FOXJ3: variants seen among roughly 807,000 people sequenced by gnomAD.
FOXJ3 encodes forkhead box J3, also known as forkhead box protein J3.
In FOXJ3, 22 loss-of-function variants were observed where a neutral mutation model predicts 76.1. That is an observed-to-expected ratio of 0.29 (90% CI 0.21 to 0.41). FOXJ3 has a LOEUF of 0.41. Among genes scored for constraint, FOXJ3 ranks in the 10% least tolerant of loss-of-function variants. FOXJ3 has a pLI of 1.00. For synonymous variants in FOXJ3, 269 were observed against 261.2 expected, an observed-to-expected ratio of 1.03 and a Z score of -0.29; for missense variants, 613 against 762.1, an observed-to-expected ratio of 0.80 and a Z score of 2.30.
intron 6 of FOXJ3, among the ~76,000 whole-genome samples, chr1:42,199,431 C>T (rs1340254397): frequency 1.3e-5 from 2 of 152,052 alleles, no homozygotes; most frequent in Admixed American, 6.6e-5. Flanking sequence ...AACTAAAGGA[C>T]ATGTCTTTCA....
intron 5 of FOXJ3, among the ~76,000 whole-genome samples, chr1:42,226,333 C>T (rs1458340252): frequency 1.3e-5 from 2 of 152,162 alleles, no homozygotes; most frequent in Non-Finnish European, 1.5e-5. Context: ...TAGCTCTGGC[C>T]GGGCACGGCG....
intron 1 of FOXJ3, among the ~76,000 whole-genome samples, chr1:42,324,037 A>AGT (rs1396728633): frequency 5.2e-4 from 20 of 38,622 alleles, no homozygotes; most frequent in South Asian, 1.6e-3. Flanking sequence ...ATATATACAC[A>AGT]CTATATATAG....
At chr1:42,186,292 A>C (rs1646433985) in intron 11 of FOXJ3, among the ~76,000 whole-genome samples, 1 of 152,182 alleles carries the variant, frequency 6.6e-6, no homozygotes, top group Non-Finnish European at 1.5e-5. Context: ...GAAGTGATGA[A>C]TACTTGGAGC....
At chr1:42,183,594 G>A (rs1646375174) in intron 11 of FOXJ3, among the ~76,000 whole-genome samples, 1 of 151,948 alleles carries the variant, frequency 6.6e-6, no homozygotes, top group Admixed American at 6.6e-5. Context: ...TGGAATTCTG[G>A]AAAGGCTACT....
intron 5 of FOXJ3, among the ~76,000 whole-genome samples, chr1:42,212,972 C>CAAAAAAA: frequency 8.1e-6 from 1 of 122,992 alleles, no homozygotes; most frequent in Non-Finnish European, 1.6e-5. Context: ...AAAAAAAAAA[C>CAAAAAAA]AAAAAAAAAA....
intron 5 of FOXJ3, among the ~76,000 whole-genome samples, chr1:42,222,956 A>T (rs1647277386): frequency 6.6e-6 from 1 of 152,188 alleles, no homozygotes; most frequent in South Asian, 2.1e-4. Flanking sequence ...GCCTTCTCAG[A>T]CAGTACTAGT....
intron 1 of FOXJ3, chr1:42,323,756 C>A (rs1022634846): frequency 1.2e-6 from 1 of 854,320 alleles, no homozygotes; most frequent in African/African-American, 1.8e-5. Context: ...GCTGAATAAT[C>A]ACCTTCAAAT....
chr1:42,227,803 A>AG, intron 5 of FOXJ3, 80 bp downstream of exon 5: 2 of 698,110 alleles, frequency 2.9e-6, no homozygotes, highest in Non-Finnish European at 4.7e-6. Flanking sequence ...TACATGTGCT[A>AG]GACTGGAAAA....
intron 2 of FOXJ3, among the ~76,000 whole-genome samples, chr1:42,292,075 G>T (rs908638552): frequency 5.3e-5 from 8 of 152,034 alleles, no homozygotes; most frequent in African/African-American, 1.7e-4. Context: ...CCCTGAGGAG[G>T]GGGGTGCAAG....
intron 3 of FOXJ3, among the ~76,000 whole-genome samples, chr1:42,277,434 G>A (rs1468207400): frequency 1.3e-5 from 2 of 151,724 alleles, no homozygotes; most frequent in African/African-American, 4.8e-5. Context: ...AGGCCGAGGC[G>A]GGCGGATCAC....
At chr1:42,280,460 A>AAAAAAC (rs1652624222) in intron 2 of FOXJ3, 2 of 948,266 alleles carry the variant, frequency 2.1e-6, no homozygotes, top group African/African-American at 3.6e-5. Context: ...AAAAAAAAAA[A>AAAAAAC]AAAAAACTTA....
At chr1:42,264,353 A>C (rs1244623208) in intron 4 of FOXJ3, among the ~76,000 whole-genome samples, 1 of 152,130 alleles carries the variant, frequency 6.6e-6, no homozygotes, top group Non-Finnish European at 1.5e-5. Context: ...CTGGACACTA[A>C]GGAATACTTT....
intron 3 of FOXJ3, 126 bp from the exon 4 acceptor site, chr1:42,265,315 T>C (rs1393653900): frequency 1.9e-6 from 1 of 533,614 alleles, no homozygotes; most frequent in Non-Finnish European, 3.3e-6. Flanking sequence ...GAATAAACTT[T>C]TTAATCAGCT....
intron 11 of FOXJ3, among the ~76,000 whole-genome samples, chr1:42,183,319 A>G (rs1280958160): frequency 8.1e-3 from 1 of 124 alleles, no homozygotes; most frequent in African/African-American, 0.021. Context: ...GGGGGAGGGG[A>G]GGGGAGGGGA....
intron 1 of FOXJ3, among the ~76,000 whole-genome samples, chr1:42,326,768 ATAT>A (rs1413831684): frequency 6.6e-6 from 1 of 152,174 alleles, no homozygotes; most frequent in East Asian, 1.9e-4. Flanking sequence ...TCTAAGTCTG[ATAT>A]TATCATATGT....
intron 2 of FOXJ3, among the ~76,000 whole-genome samples, chr1:42,299,517 T>C (rs1183369181): frequency 6.6e-6 from 1 of 151,968 alleles, no homozygotes; most frequent in Non-Finnish European, 1.5e-5. Flanking sequence ...GGGGGGTCTC[T>C]TGCTGGCAGC....
chr1:42,308,485 T>C (rs1654601671), intron 2 of FOXJ3, among the ~76,000 whole-genome samples: 1 of 152,154 alleles, frequency 6.6e-6, no homozygotes, highest in African/African-American at 2.4e-5. Context: ...CTTCTAAACA[T>C]ACATCTAAGA....
At chr1:42,259,009 T>G (rs564462927) in intron 4 of FOXJ3, among the ~76,000 whole-genome samples, 6 of 152,304 alleles carry the variant, frequency 3.9e-5, no homozygotes, top group Admixed American at 1.3e-4. Flanking sequence ...AACAAAAACA[T>G]GTCTTTCAAA....
chr1:42,276,391 G>C (rs1392118954), intron 3 of FOXJ3, among the ~76,000 whole-genome samples: 1 of 152,014 alleles, frequency 6.6e-6, no homozygotes, highest in Admixed American at 6.6e-5. Flanking sequence ...GAAGAGAGGG[G>C]AGAGAGTAAT....
Sources: gnomAD v4.1 joint callset for allele counts (sites outside exome capture counted in the v4.1 genomes callset) on GRCh38, gnomAD v4.1.1 for gene constraint, MANE v1.5 for transcripts, NCBI Gene and HGNC (gene_info 2026-07-23, HGNC 2026-07-21) for gene names.